RTL1: variants seen among roughly 807,000 people sequenced by gnomAD.
The protein encoded by RTL1 is retrotransposon-like protein 1.
For missense variants in RTL1, 1,681 were observed against 1,767.5 expected, an observed-to-expected ratio of 0.95 and a Z score of 0.88; for synonymous variants, 727 against 748.4, an observed-to-expected ratio of 0.97 and a Z score of 0.47.
At chr14:100,897,979 A>C (rs1396311716) in intron 2 of RTL1, 1 of 515,196 alleles carries the variant, frequency 1.9e-6, no homozygotes, top group Non-Finnish European at 3.9e-6. Flanking sequence ...AGTTCTGCAC[A>C]AAACACTGAG....
At position 100,881,871 on chromosome 14, in the gene RTL1, A is replaced by G; in HGVS notation, c.2918T>C (p.Phe973Ser). The change falls in exon 4 of 4, where the codon TTC becomes TCC. Residue 973 changes from phenylalanine (F) to serine (S), a missense_variant. Transcript: ENST00000649591. The surrounding 1 kb of genome is among the most constrained non-coding windows in gnomAD (Gnocchi z 6.6). ...GACGTCAAAGTTGAAGTGGGAGAAG[A>G]AGAAGACCCAATGCCCGGGGAGAAG... ...TVLLPGHWVF[F>S]FSHFNFDVME... is the part of the protein sequence containing the mutation. 6.2e-7 allele frequency: 1 copy of G among 1,613,710 alleles called. No individual in the cohort carries two copies. The highest frequency in any genetic ancestry group is 8.5e-7 in the Non-Finnish European group (1 of 1,180,028).
Position 100,883,208 on chromosome 14 carries a change from A to G in RTL1, c.1581T>C (p.Ser527=). The part of the protein sequence containing the change: ...DWIKGRCTFH[S]PYCLKNCFRP... ...GGAAGCAGTTCTTCAGGCAGTAGGG[A>G]GAGTGGAAGGTGCAGCGGCCTTTGA... Residue 527 remains serine, a synonymous_variant, in exon 4 of 4, where the codon TCT becomes TCC. Transcript: ENST00000649591. This position sits in a 1 kb window ranked among gnomAD's most constrained non-coding sequence, Gnocchi z 5.9. 6.4e-7 allele frequency: 1 copy of G among 1,557,034 alleles called. No individual in the cohort carries two copies. The highest frequency in any genetic ancestry group is 8.7e-7 in the Non-Finnish European group (1 of 1,149,236).
intron 2 of RTL1, among the ~76,000 whole-genome samples, chr14:100,896,342 G>A (rs1004013687): frequency 3.9e-5 from 6 of 152,044 alleles, no homozygotes; most frequent in Admixed American, 2.0e-4. Context: ...TTGGTGAGAG[G>A]GAAGACATTT....
chr14:100,896,768 G>A (rs2038861940), intron 2 of RTL1, among the ~76,000 whole-genome samples: 1 of 152,154 alleles, frequency 6.6e-6, no homozygotes, highest in Non-Finnish European at 1.5e-5. Context: ...GCAGTTGTGT[G>A]TTTTGCACAG....
At chr14:100,903,468 C>G (rs1261240472) in intron 1 of RTL1, among the ~76,000 whole-genome samples, 82 bp from the exon 2 acceptor site, 1 of 152,140 alleles carries the variant, frequency 6.6e-6, no homozygotes, top group Non-Finnish European at 1.5e-5. Flanking sequence ...ATTTATGGAG[C>G]CCCGTCTTGG....
intron 2 of RTL1, among the ~76,000 whole-genome samples, chr14:100,899,356 G>C (rs2038911163): frequency 6.6e-6 from 1 of 152,246 alleles, no homozygotes; most frequent in African/African-American, 2.4e-5. Flanking sequence ...TCTGGTCCCA[G>C]AACAGGAGGA....
chr14:100,883,073 A>G lies in RTL1; in HGVS notation c.1716T>C (p.Asp572=). Residue 572 remains aspartate (D), a synonymous_variant, in exon 4 of 4, where the codon GAT becomes GAC. Coordinates refer to ENST00000649591, the MANE Select transcript of RTL1 (RefSeq NM_001134888.3). The surrounding 1 kb of genome is among the most constrained non-coding windows in gnomAD (Gnocchi z 5.9). ...LADVFNPKEA[D]DETSDQPSSD... is the part of the protein sequence containing the mutation. ...AGCTTGGCTGGTCGGAAGTCTCATC[A>G]TCTGCTTCCTTCGGGTTAAACACGT... is the stretch of plus-strand genomic sequence containing the variant. 1 of 1,614,048 alleles carries G rather than the reference A, an allele frequency of 6.2e-7. No individual in the cohort carries two copies. Among genetic ancestry groups the G allele is most frequent in the Non-Finnish European group, 8.5e-7 (1 of 1,180,004 alleles).
intron 3 of RTL1, among the ~76,000 whole-genome samples, chr14:100,889,185 C>T (rs1017912839): frequency 6.6e-6 from 1 of 152,182 alleles, no homozygotes; most frequent in Non-Finnish European, 1.5e-5. Context: ...CCAGGAAACT[C>T]AAATTATGAA....
chr14:100,885,435 C>T (rs2038684414), intron 3 of RTL1, among the ~76,000 whole-genome samples: 1 of 152,086 alleles, frequency 6.6e-6, no homozygotes, highest in South Asian at 2.1e-4. Flanking sequence ...TGGCCACTGT[C>T]CCGTCAGTTG....
In RTL1 at chr14:100,893,783, T is replaced by G. The variant is rs899078758; in HGVS notation, c.-148-278A>C. 7.2e-5 allele frequency among the ~76,000 whole-genome samples: 11 copies of G among 152,174 alleles called. No individual in the cohort carries two copies. The highest frequency in any genetic ancestry group is 1.7e-4 in the African/African-American group (7 of 41,440). Reference sequence around the variant, plus strand: ...AGAAGCTGCGAGGGCCTTCCTTTTATTATCCCCATTTTTCAGAAGAGGAAT... The same window carrying G: ...AGAAGCTGCGAGGGCCTTCCTTTTAGTATCCCCATTTTTCAGAAGAGGAAT... On this transcript the variant is annotated intron_variant, in intron 2 of 3. Transcript: ENST00000649591. This position sits in a 1 kb window ranked among gnomAD's most constrained non-coding sequence, Gnocchi z 4.2.
At chr14:100,897,021 T>A (rs941572) in intron 2 of RTL1, among the ~76,000 whole-genome samples, 1 of 152,022 alleles carries the variant, frequency 6.6e-6, no homozygotes, top group Non-Finnish European at 1.5e-5. Context: ...CCGTGGGTGC[T>A]GGACAGCTTG....
Position 100,881,825 on chromosome 14 carries a change from G to C in RTL1, c.2964C>G (p.Asp988Glu). 1.2e-6 allele frequency: 2 copies of C among 1,613,928 alleles called. No homozygotes were observed. The highest frequency in any genetic ancestry group is 2.2e-5 in the East Asian group (1 of 44,876). The stretch of plus-strand genomic sequence containing the variant: ...TCACAGGTGGCAGAGCTCGGCCGCC[G>C]TCTTGTTCTGGCAGCTCCATGACGT... ...NFDVMELPEQ[D>E]GGRALPPVRN... Residue 988 changes from aspartate (D) to glutamate (E), a missense_variant, in exon 4 of 4, where the codon GAC becomes GAG. By Grantham distance (45) the Asp-to-Glu change is conservative. Transcript: ENST00000649591. The surrounding 1 kb of genome is among the most constrained non-coding windows in gnomAD (Gnocchi z 6.6).
rs1378340206 is a variant in RTL1, at chr14:100,884,368, G to C, written c.421C>G (p.Leu141Val). Residue 141 changes from leucine (L) to valine (V), a missense_variant, in exon 4 of 4, where the codon CTG becomes GTG. Physicochemically the swap from Leu to Val is conservative, Grantham distance 32. Transcript: ENST00000649591. ...GTCTCCTCCCTTCCCGATTCCTTCAGGTCAGTGTGAGCCTCTTGTTCTTCT... is the reference window on the plus strand; with the variant it reads ...GTCTCCTCCCTTCCCGATTCCTTCACGTCAGTGTGAGCCTCTTGTTCTTCT... ...AREEQEAHTD[L>V]KESGREETPQ... is the part of the protein sequence containing the mutation. 1 of 1,569,022 alleles carries C rather than the reference G, an allele frequency of 6.4e-7. No homozygotes were observed. Among genetic ancestry groups the C allele is most frequent in the Admixed American group, 1.9e-5 (1 of 53,024 alleles).
chr14:100,888,463 T>C (rs983981286), intron 3 of RTL1, among the ~76,000 whole-genome samples: 3 of 124,154 alleles, frequency 2.4e-5, no homozygotes, highest in Non-Finnish European at 4.0e-5. Context: ...AAGCCCTTTA[T>C]TGGCTTAAAT....
At position 100,882,097 on chromosome 14, in the gene RTL1, C is replaced by G. The variant is rs756553297; in HGVS notation, c.2692G>C (p.Gly898Arg). Residue 898 changes from glycine to arginine, a missense_variant, in exon 4 of 4, where the codon GGC becomes CGC. By Grantham distance (125) the Gly-to-Arg change is moderately radical. Coordinates refer to ENST00000649591, the MANE Select transcript of RTL1 (RefSeq NM_001134888.3). ...TAGAAAGCGCAGCAGGCTCTCTTGC[C>G]GGTTTGGTCGTCGATTTGGATCAGG... ...ASLIQIDDQT[G>R]KRACCAFYSR... 7 of 1,574,438 alleles carry G rather than the reference C, an allele frequency of 4.4e-6. No homozygotes were observed. The highest frequency in any genetic ancestry group is 1.4e-5 in the African/African-American group (1 of 74,040).
chr14:100,895,327 G>GAGGTCAGAGAGGGCAGGA (rs2038840692), intron 2 of RTL1, among the ~76,000 whole-genome samples: 1 of 152,042 alleles, frequency 6.6e-6, no homozygotes, highest in Non-Finnish European at 1.5e-5. Context: ...ACAGGGCAGG[G>GAGGTCAGAGAGGGCAGGA]TTTGCTTAGG....
Position 100,883,036 on chromosome 14 carries a change from C to A in RTL1, c.1753G>T (p.Asp585Tyr), listed in dbSNP as rs1159731132. Residue 585 changes from aspartate to tyrosine, a missense_variant, in exon 4 of 4, where the codon GAT becomes TAT. Transcript: ENST00000649591. The surrounding 1 kb of genome is among the most constrained non-coding windows in gnomAD (Gnocchi z 5.9). ...GAGGGCTCTGATTCAGAAAGATCAT[C>A]GGATCCGTCTGAGCTTGGCTGGTCG... ...TSDQPSSDGS[D>Y]DLSESEPSEL... 6.2e-7 allele frequency: 1 copy of A among 1,613,990 alleles called. No individual in the cohort carries two copies. Among genetic ancestry groups the A allele is most frequent in the Non-Finnish European group, 8.5e-7 (1 of 1,180,036 alleles).
rs1302237907 is a variant in RTL1 at position 100,882,375 on chromosome 14, G to A, written c.2414C>T (p.Ser805Phe). The A allele has an allele frequency of 6.4e-7, 1 of 1,551,756 alleles. No homozygotes were observed. Residue 805 changes from serine (S) to phenylalanine (F), a missense_variant, in exon 4 of 4, where the codon TCC becomes TTC. By Grantham distance (155) the Ser-to-Phe change is radical. Transcript: ENST00000649591. Reference sequence around the variant, plus strand: ...GATGAAGTTTCGCAGAGATAGCTTGGAGCCAGGGGTAGGGTACCCTGTTAT... The same window carrying A: ...GATGAAGTTTCGCAGAGATAGCTTGAAGCCAGGGGTAGGGTACCCTGTTAT... ...TIITGYPTPGSKLSLRNFIEF... is the reference protein window; with the variant it reads ...TIITGYPTPGFKLSLRNFIEF...
rs1007823507 is a variant in RTL1 at position 100,900,006 on chromosome 14, T to C, written c.-149+3285A>G. On this transcript the variant is annotated intron_variant, in intron 2 of 3. Transcript: ENST00000649591. ...TCCCAGACATCTTCCCAGGGAAAAG[T>C]GTGCTTTCTTGAACACCTGGGGGCC... Among the ~76,000 whole-genome samples, 22 of 152,352 alleles carry C rather than the reference T, an allele frequency of 1.4e-4. No homozygotes were observed. The East Asian group carries it at 3.9e-3, about 27-fold the overall frequency.
Sources: allele counts gnomAD v4.1 joint callset (sites outside exome capture counted in the v4.1 genomes callset), GRCh38; gene constraint gnomAD v4.1.1; non-coding constraint Gnocchi (gnomAD v3.1); transcripts MANE v1.5; gene names NCBI Gene and HGNC (gene_info 2026-07-23, HGNC 2026-07-21).